NT5C2: variants seen among roughly 807,000 people sequenced by gnomAD.
NT5C2 encodes 5'-nucleotidase, cytosolic II, also known as cytosolic purine 5'-nucleotidase.
Under a neutral mutation model 76.1 loss-of-function variants are expected in NT5C2, and 58 were observed. The ratio of observed to expected loss-of-function variants is 0.76; its 90% CI spans 0.62 to 0.95. The LOEUF is 0.95. Ranked by LOEUF, NT5C2 falls within the 40% of genes least tolerant of loss-of-function variation. NT5C2 has a pLI of 0.00. For synonymous variants in NT5C2, 229 were observed against 237.4 expected (o/e 0.96, Z 0.32); for missense variants, 478 against 690.3 (o/e 0.69, Z 3.45).
chr10:103,141,738 CTAAT>C (rs1214876171), intron 3 of NT5C2, among the ~76,000 whole-genome samples: 1 of 152,062 alleles, frequency 6.6e-6, no homozygotes, highest in Admixed American at 6.6e-5. Context: ...AAAATATAGA[CTAAT>C]TAAATAAATA....
chr10:103,092,048 T>C (rs896413609), intron 15 of NT5C2, among the ~76,000 whole-genome samples: 3 of 152,176 alleles, frequency 2.0e-5, no homozygotes, highest in Non-Finnish European at 4.4e-5. Context: ...TAAAACTTCA[T>C]AGGTAGAAAG....
intron 6 of NT5C2, among the ~76,000 whole-genome samples, chr10:103,101,811 G>T (rs1173561130): frequency 6.6e-6 from 1 of 152,186 alleles, no homozygotes; most frequent in African/African-American, 2.4e-5. Context: ...AGAAGCAAAT[G>T]TGAGGACTAA....
At chr10:103,147,984 T>G (rs1341135151) in intron 3 of NT5C2, among the ~76,000 whole-genome samples, 1 of 152,150 alleles carries the variant, frequency 6.6e-6, no homozygotes, top group Admixed American at 6.5e-5. Flanking sequence ...GAATTGTATC[T>G]CAATAAAGCT....
In NT5C2 at chr10:103,167,441, C is replaced by T. The variant is rs190578125; in HGVS notation, c.101+7417G>A. 4.6e-5 allele frequency among the ~76,000 whole-genome samples: 7 copies of T among 152,136 alleles called. No individual in the cohort carries two copies. The East Asian group carries it at 1.3e-3, about 29-fold the overall frequency. ...AACAATTATCCACTGAATATTTGAA[C>T]CAATACTAAAATGACAGTTTACTAC... is the stretch of plus-strand genomic sequence containing the variant. On this transcript the variant is annotated intron_variant, in intron 3 of 18. Transcript: ENST00000404739.
intron 3 of NT5C2, among the ~76,000 whole-genome samples, chr10:103,148,189 C>T (rs2081820634): frequency 6.6e-6 from 1 of 152,180 alleles, no homozygotes; most frequent in African/African-American, 2.4e-5. Context: ...AAGCAACAGA[C>T]ATCTAGTAGC....
At chr10:103,127,002 G>A (rs1200345203) in intron 4 of NT5C2, among the ~76,000 whole-genome samples, 1 of 152,062 alleles carries the variant, frequency 6.6e-6, no homozygotes, top group Non-Finnish European at 1.5e-5. Context: ...TAGAGACAGG[G>A]TCTCATTAGG....
At chr10:103,148,486 C>A (rs1408519566) in intron 3 of NT5C2, among the ~76,000 whole-genome samples, 1 of 152,042 alleles carries the variant, frequency 6.6e-6, no homozygotes, top group African/African-American at 2.4e-5. Context: ...CTGCTGTAGT[C>A]CCAGCTACTC....
At chr10:103,095,843 G>C in intron 12 of NT5C2, 96 bp downstream of exon 12, 1 of 1,076,772 alleles carries the variant, frequency 9.3e-7, no homozygotes, top group Non-Finnish European at 1.4e-6. Flanking sequence ...ACTTTTCTGG[G>C]TGGGTTCTGA....
intron 6 of NT5C2, among the ~76,000 whole-genome samples, chr10:103,101,793 A>G (rs903250262): frequency 6.6e-6 from 1 of 152,190 alleles, no homozygotes; most frequent in African/African-American, 2.4e-5. Context: ...TCAACTTAAG[A>G]GGTAGAGAGA....
intron 1 of NT5C2, among the ~76,000 whole-genome samples, chr10:103,192,080 T>C (rs987636303): frequency 6.6e-5 from 10 of 152,142 alleles, no homozygotes; most frequent in Non-Finnish European, 1.5e-4. Context: ...ATGTGGTAAA[T>C]ATTTTTGAAA....
chr10:103,159,357 T>C (rs1406971337), intron 3 of NT5C2, among the ~76,000 whole-genome samples: 4 of 151,648 alleles, frequency 2.6e-5, no homozygotes, highest in East Asian at 1.9e-4. Flanking sequence ...AAAAAACCAG[T>C]TGTGTTTCCA....
At chr10:103,184,837 A>C (rs1026065206) in intron 1 of NT5C2, among the ~76,000 whole-genome samples, 1 of 152,230 alleles carries the variant, frequency 6.6e-6, no homozygotes, top group African/African-American at 2.4e-5. Context: ...AAGGAAAAAT[A>C]ACAAAGTTGA....
At position 103,133,556 on chromosome 10, in the gene NT5C2, T is replaced by C. The variant is rs543241163; in HGVS notation, c.175+5850A>G. ...GATTACAGGTGTGAGCCACCACACC[T>C]GGCCTAAACCTCTTTCTTTTGTAAA... is the stretch of plus-strand genomic sequence containing the variant. On this transcript the variant is annotated intron_variant, in intron 4 of 18. Transcript: ENST00000404739. 5.3e-5 allele frequency among the ~76,000 whole-genome samples: 8 copies of C among 152,312 alleles called. No individual in the cohort carries two copies. In the South Asian group the frequency reaches 1.5e-3, roughly 28 times the overall value.
intron 3 of NT5C2, among the ~76,000 whole-genome samples, chr10:103,173,885 C>G (rs2089034195): frequency 6.6e-6 from 1 of 151,984 alleles, no homozygotes; most frequent in South Asian, 2.1e-4. Flanking sequence ...CACCTGAGGT[C>G]AGGAGTTCAA....
At chr10:103,190,875 C>A (rs1488964316) in intron 1 of NT5C2, among the ~76,000 whole-genome samples, 1 of 152,286 alleles carries the variant, frequency 6.6e-6, no homozygotes, top group Non-Finnish European at 1.5e-5. Flanking sequence ...TAGAGAGCAT[C>A]TACTAATGAA....
intron 3 of NT5C2, among the ~76,000 whole-genome samples, chr10:103,163,473 T>C (rs547381991): frequency 1.3e-5 from 2 of 152,300 alleles, no homozygotes; most frequent in African/African-American, 4.8e-5. Context: ...TTAGCTATTG[T>C]AACAGGCATA....
chr10:103,169,226 A>G (rs2087183845), intron 3 of NT5C2: 1 of 152,214 alleles, frequency 6.6e-6, no homozygotes, highest in African/African-American at 2.4e-5. Flanking sequence ...TGTACACCAT[A>G]AATACATACA....
chr10:103,097,818 G>A (rs1217074399), intron 10 of NT5C2, among the ~76,000 whole-genome samples: 2 of 152,172 alleles, frequency 1.3e-5, no homozygotes, highest in Non-Finnish European at 2.9e-5. Flanking sequence ...CTTGCAGAAT[G>A]AAATGACATG....
At chr10:103,172,790 G>A (rs981657660) in intron 3 of NT5C2, among the ~76,000 whole-genome samples, 2 of 151,876 alleles carry the variant, frequency 1.3e-5, no homozygotes, top group Admixed American at 6.6e-5. Flanking sequence ...AGCTGAGATC[G>A]CATCACTGCA....
Sources: gnomAD v4.1 joint callset for allele counts (sites outside exome capture counted in the v4.1 genomes callset) on GRCh38, gnomAD v4.1.1 for gene constraint, MANE v1.5 for transcripts, NCBI Gene and HGNC (gene_info 2026-07-23, HGNC 2026-07-21) for gene names.